Variants in AGBL4 observed in about 807,000 individuals in gnomAD.
The protein encoded by AGBL4 is cytosolic carboxypeptidase 6.
In AGBL4, 58 loss-of-function variants were observed where a neutral mutation model predicts 66.4. The observed-to-expected ratio is 0.87, with a 90% CI of 0.71 to 1.09. AGBL4 has a LOEUF of 1.09. Among genes scored for constraint, AGBL4 ranks in the 50% least tolerant of loss-of-function variants. AGBL4 has a pLI of 0.00. For missense variants in AGBL4, 579 were observed against 631.0 expected, an observed-to-expected ratio of 0.92 and a Z score of 0.88; for synonymous variants, 234 against 222.9, an observed-to-expected ratio of 1.05 and a Z score of -0.44.
chr1:49,185,372 G>C (rs1646997931), intron 4 of AGBL4, among the ~76,000 whole-genome samples: 1 of 152,312 alleles, frequency 6.6e-6, no homozygotes, highest in South Asian at 2.1e-4. Context: ...CTGCTGAACA[G>C]GGATCCACAA....
At chr1:48,618,802 C>T (rs552449493) in intron 9 of AGBL4, among the ~76,000 whole-genome samples, 8 of 152,250 alleles carry the variant, frequency 5.3e-5, no homozygotes, top group South Asian at 2.1e-4. Flanking sequence ...CTGGACTTTT[C>T]GAACCAACGT....
At chr1:49,891,509 C>T (rs957883870) in intron 1 of AGBL4, among the ~76,000 whole-genome samples, 1 of 152,030 alleles carries the variant, frequency 6.6e-6, no homozygotes, top group Admixed American at 6.6e-5. Flanking sequence ...ACAGAAATAA[C>T]CCCACAACAA....
chr1:49,654,090 T>C (rs962384139), intron 3 of AGBL4, among the ~76,000 whole-genome samples: 4 of 152,124 alleles, frequency 2.6e-5, no homozygotes, highest in African/African-American at 9.7e-5. Flanking sequence ...CCAGGTCACC[T>C]ATAAAAGGAA....
intron 6 of AGBL4, among the ~76,000 whole-genome samples, chr1:48,732,046 C>T (rs1648223425): frequency 6.6e-6 from 1 of 152,020 alleles, no homozygotes; most frequent in African/African-American, 2.4e-5. Context: ...AGTAGAGAAA[C>T]TTTAAAATGG....
rs201817075 is a variant in AGBL4 at position 49,018,975 on chromosome 1, C to CA, written c.594+26608dup. 2.1e-3 allele frequency among the ~76,000 whole-genome samples: 318 copies of CA among 151,392 alleles called. 2 individuals carry two copies. The highest frequency in any genetic ancestry group is 7.3e-3 in the African/African-American group (303 of 41,306). On this transcript the variant is annotated intron_variant, in intron 5 of 13. Transcript: ENST00000371839. ...TTGACATCCCATCACAACCAGAAAC[C>CA]AAAAAAACAAACGATTCTGGCTTCT...
rs974254864 is a variant in AGBL4, at chr1:49,470,035, C to T, written c.283-224171G>A. On this transcript the variant is annotated intron_variant, in intron 3 of 13. Transcript: ENST00000371839. Reference sequence around the variant, plus strand: ...TAAAATTAGAATAATAACAGTCACTCCACAGAATTATTTTAAAAATTAAAA... The same window carrying T: ...TAAAATTAGAATAATAACAGTCACTTCACAGAATTATTTTAAAAATTAAAA... 4 of 151,744 alleles carry T rather than the reference C, an allele frequency of 2.6e-5. 1 individual carries two copies. The highest frequency in any genetic ancestry group is 6.6e-5 in the Admixed American group (1 of 15,194). 9.4% of individuals were successfully genotyped at this position (151,744 alleles called of 1,614,324 possible). A position where few individuals can be genotyped will look rare whatever the true frequency, so the allele number is the denominator to read the frequency against.
intron 3 of AGBL4, among the ~76,000 whole-genome samples, chr1:49,688,663 G>C (rs1373239607): frequency 6.6e-6 from 1 of 152,124 alleles, no homozygotes; most frequent in Non-Finnish European, 1.5e-5. Flanking sequence ...GTTCTCCATA[G>C]TGGTTGTGTT....
At chr1:48,965,934 T>C (rs1167840852) in intron 5 of AGBL4, among the ~76,000 whole-genome samples, 1 of 152,172 alleles carries the variant, frequency 6.6e-6, no homozygotes, top group Non-Finnish European at 1.5e-5. Flanking sequence ...TTGGGAGGCA[T>C]GCACTGTAAA....
intron 8 of AGBL4, among the ~76,000 whole-genome samples, chr1:48,643,826 G>T (rs1645795532): frequency 6.6e-6 from 1 of 152,148 alleles, no homozygotes; most frequent in African/African-American, 2.4e-5. Flanking sequence ...GTGTTTTTGG[G>T]ATCTGGAATC....
chr1:48,991,392 C>T (rs1380489647), intron 5 of AGBL4, among the ~76,000 whole-genome samples: 2 of 152,068 alleles, frequency 1.3e-5, no homozygotes, highest in Non-Finnish European at 2.9e-5. Flanking sequence ...ATTTCTCTTG[C>T]TGCTTTTAGG....
At chr1:49,916,230 T>C (rs1028199745) in intron 1 of AGBL4, among the ~76,000 whole-genome samples, 1 of 152,208 alleles carries the variant, frequency 6.6e-6, no homozygotes, top group Admixed American at 6.5e-5. Flanking sequence ...CAAAGCTGGA[T>C]GGAGAATGAC....
At chr1:49,814,167 T>C (rs1013653527) in intron 2 of AGBL4, among the ~76,000 whole-genome samples, 1 of 152,150 alleles carries the variant, frequency 6.6e-6, no homozygotes, top group Non-Finnish European at 1.5e-5. Flanking sequence ...AATACAGTAC[T>C]GTATTAATTG....
chr1:48,575,739 C>T (rs1644643331), intron 11 of AGBL4, among the ~76,000 whole-genome samples: 1 of 152,192 alleles, frequency 6.6e-6, no homozygotes, highest in African/African-American at 2.4e-5. Flanking sequence ...TTGATCCCCT[C>T]AAGGTTAGGT....
Position 48,534,279 on chromosome 1 carries a change from G to C in AGBL4, c.1406C>G (p.Pro469Arg). The C allele has an allele frequency of 6.4e-7, 1 of 1,550,934 alleles. No individual in the cohort carries two copies. Among genetic ancestry groups the C allele is most frequent in the African/African-American group, 1.4e-5 (1 of 73,030 alleles). The change falls in exon 14 of 14, where the codon CCT (proline) becomes CGT (arginine). Residue 469 changes from proline (P) to arginine (R), a missense_variant. Physicochemically the swap from Pro to Arg is moderately radical, Grantham distance 103. Coordinates refer to ENST00000371839, the MANE Select transcript of AGBL4 (RefSeq NM_032785.4). ...IEVQRRKEKS[P>R]PYKHPLLRGP... ...CCGCAGGAGTGGGTGCTTGTAAGGA[G>C]GGGATTTTTCTTTCCTGCAAAGGGG...
chr1:48,754,824 TG>T lies in AGBL4; in HGVS notation c.635-91584del, dbSNP rs978150636. Among the ~76,000 whole-genome samples the T allele has an allele frequency of 2.6e-5, 4 of 152,028 alleles. No homozygotes were observed. The South Asian group carries it at 8.3e-4, about 32-fold the overall frequency. ...GGGGATGGAGGAGACACCCCCATGT[TG>T]GGAAAAATGAAGTCTAAGAGCTAAA... On this transcript the variant is annotated intron_variant, in intron 6 of 13. Coordinates refer to ENST00000371839, the MANE Select transcript of AGBL4 (RefSeq NM_032785.4).
intron 5 of AGBL4, among the ~76,000 whole-genome samples, chr1:48,984,520 C>G (rs1159333072): frequency 1.4e-5 from 2 of 147,714 alleles, no homozygotes; most frequent in Non-Finnish European, 3.0e-5. Context: ...CTTGGACACT[C>G]ACAGTGCACA....
At chr1:49,041,923 T>C (rs1289520913) in intron 5 of AGBL4, among the ~76,000 whole-genome samples, 1 of 152,136 alleles carries the variant, frequency 6.6e-6, no homozygotes, top group East Asian at 1.9e-4. Flanking sequence ...TACCTTATTA[T>C]CAACTCTGTA....
intron 3 of AGBL4, among the ~76,000 whole-genome samples, chr1:49,459,516 C>T (rs1046738239): frequency 1.3e-4 from 20 of 151,554 alleles, no homozygotes; most frequent in South Asian, 2.1e-4. Context: ...TCTCCCATTT[C>T]GTTTCTAACT....
At chr1:48,598,535 A>AG (rs1044178473) in intron 9 of AGBL4, among the ~76,000 whole-genome samples, 1 of 151,802 alleles carries the variant, frequency 6.6e-6, no homozygotes, top group Non-Finnish European at 1.5e-5. Context: ...CCGGCACTTT[A>AG]GGAGGCCAAG....
Sources: allele counts gnomAD v4.1 joint callset (sites outside exome capture counted in the v4.1 genomes callset), GRCh38; gene constraint gnomAD v4.1.1; transcripts MANE v1.5; gene names NCBI Gene and HGNC (gene_info 2026-07-23, HGNC 2026-07-21).